The following MLLT10 variants were observed in gnomAD, a reference collection of about 807,000 sequenced individuals.
MLLT10 encodes MLLT10 histone lysine methyltransferase DOT1L cofactor, also known as protein AF-10.
MLLT10 carries 30 observed loss-of-function variants against 129.1 expected under a neutral mutation model. That is an observed-to-expected ratio of 0.23 (90% CI 0.17 to 0.32). The LOEUF is 0.32. Among genes scored for constraint, MLLT10 ranks in the 10% least tolerant of loss-of-function variants. The probability of loss-of-function intolerance (pLI) is 1.00; values close to 1 mark genes in which losing one functional copy is unlikely to be tolerated. For missense variants in MLLT10, 1,119 were observed against 1,268.3 expected (o/e 0.88, Z 1.79); for synonymous variants, 490 against 446.4 (o/e 1.10, Z -1.23).
intron 3 of MLLT10, among the ~76,000 whole-genome samples, chr10:21,550,453 T>TA (rs917803791): frequency 5.9e-5 from 9 of 152,220 alleles, no homozygotes; most frequent in African/African-American, 1.7e-4. Context: ...GTTGCTGTCA[T>TA]AGTCAGTCCT....
chr10:21,641,090 A>T (rs1178799982), intron 8 of MLLT10, among the ~76,000 whole-genome samples: 1 of 152,198 alleles, frequency 6.6e-6, no homozygotes. Flanking sequence ...ATTGGAACCC[A>T]GTGCACTGGC....
chr10:21,536,821 G>T (rs1239985117), intron 2 of MLLT10, among the ~76,000 whole-genome samples: 1 of 151,678 alleles, frequency 6.6e-6, no homozygotes, highest in African/African-American at 2.4e-5. Context: ...TTTTGCTCTT[G>T]TTGCTCAGGC....
rs140739039 is a variant in MLLT10, at chr10:21,556,944, G to T, written c.240+18032G>T. On this transcript the variant is annotated intron_variant, in intron 3 of 22. Transcript: ENST00000307729. ...CGTTTCAAGAAGGAGAGGTGGTAGTGTTTAAGTGGAATTAACTACTTGTGT... is the reference window on the plus strand; with the variant it reads ...CGTTTCAAGAAGGAGAGGTGGTAGTTTTTAAGTGGAATTAACTACTTGTGT... 2.8e-5 allele frequency: 44 copies of T among 1,544,248 alleles called. No individual in the cohort carries two copies. The African/African-American group carries it at 5.7e-4, about 20-fold the overall frequency.
At chr10:21,619,115 C>T (rs1404827942) in intron 8 of MLLT10, among the ~76,000 whole-genome samples, 1 of 151,500 alleles carries the variant, frequency 6.6e-6, no homozygotes, top group African/African-American at 2.4e-5. Flanking sequence ...ATCTTGATTT[C>T]TTTTTGAGGT....
chr10:21,605,352 GA>G (rs966146652), intron 5 of MLLT10, among the ~76,000 whole-genome samples: 2 of 152,162 alleles, frequency 1.3e-5, no homozygotes, highest in African/African-American at 4.8e-5. Flanking sequence ...TGGTAAAGTT[GA>G]AAAACTGTAA....
chr10:21,625,239 T>G (rs1037520344), intron 8 of MLLT10: 11 of 1,378,230 alleles, frequency 8.0e-6, no homozygotes, highest in Admixed American at 5.1e-5. Flanking sequence ...TCTGGTGCCT[T>G]GGCTAAGACT....
chr10:21,697,125 G>A (rs959744309), intron 13 of MLLT10, among the ~76,000 whole-genome samples: 8 of 133,964 alleles, frequency 6.0e-5, no homozygotes, highest in African/African-American at 1.5e-4. Context: ...AAAAAAAAGA[G>A]GGAGAATTTA....
intron 3 of MLLT10, among the ~76,000 whole-genome samples, chr10:21,576,288 G>A (rs1218093398): frequency 1.3e-5 from 2 of 150,056 alleles, no homozygotes; most frequent in Non-Finnish European, 3.0e-5. Context: ...TGTCGCCCAG[G>A]CTGGAGTGCA....
chr10:21,684,150 G>A (rs1222266479), intron 13 of MLLT10, among the ~76,000 whole-genome samples: 2 of 152,006 alleles, frequency 1.3e-5, no homozygotes, highest in African/African-American at 4.8e-5. Flanking sequence ...AGATAGGACT[G>A]CAGGCGTGCG....
At chr10:21,675,585 C>A (rs1270407318) in intron 11 of MLLT10, among the ~76,000 whole-genome samples, 1 of 152,150 alleles carries the variant, frequency 6.6e-6, no homozygotes, top group Non-Finnish European at 1.5e-5. Flanking sequence ...TATATGTTTC[C>A]TTTGAAACTA....
chr10:21,717,809 T>C (rs1247143284), intron 14 of MLLT10, among the ~76,000 whole-genome samples: 1 of 143,338 alleles, frequency 7.0e-6, no homozygotes, highest in Admixed American at 6.9e-5. Flanking sequence ...CTCCTTCTTC[T>C]TCTCCTTCTT....
chr10:21,662,890 T>G (rs1204549792), intron 9 of MLLT10, among the ~76,000 whole-genome samples: 1 of 152,182 alleles, frequency 6.6e-6, no homozygotes, highest in Non-Finnish European at 1.5e-5. Flanking sequence ...ACCCCTGGAA[T>G]GTGAACTGCA....
chr10:21,659,408 CA>C lies in MLLT10; in HGVS notation c.795+7644del, dbSNP rs559994797. On this transcript the variant is annotated intron_variant, in intron 9 of 22. Coordinates refer to ENST00000307729, the MANE Select transcript of MLLT10 (RefSeq NM_001195626.3). ...GAGAAACAGAAACCTAGGTTTGAGG[CA>C]AAACGTAAAAACCAAAGGAAAAATA... 2.0e-3 allele frequency among the ~76,000 whole-genome samples: 296 copies of C among 151,642 alleles called. 3 individuals are homozygous for C. Among genetic ancestry groups the C allele is most frequent in the African/African-American group, 6.9e-3 (284 of 41,344 alleles).
chr10:21,664,968 T>TATCTG, intron 9 of MLLT10, among the ~76,000 whole-genome samples: 1 of 141,362 alleles, frequency 7.1e-6, no homozygotes, highest in East Asian at 2.1e-4. Context: ...TTTTTTGAGA[T>TATCTG]AGAGTCTCGC....
chr10:21,720,236 C>G (rs1037048797), intron 14 of MLLT10, among the ~76,000 whole-genome samples: 1 of 152,174 alleles, frequency 6.6e-6, no homozygotes. Context: ...CGTTAAGCTC[C>G]TAACAATTAG....
intron 2 of MLLT10, among the ~76,000 whole-genome samples, chr10:21,536,257 G>A (rs1463850910): frequency 6.6e-6 from 1 of 152,150 alleles, no homozygotes; most frequent in African/African-American, 2.4e-5. Flanking sequence ...TTTTAAAGAA[G>A]AGCCAAGTTG....
At chr10:21,548,661 G>C (rs1421702005) in intron 3 of MLLT10, among the ~76,000 whole-genome samples, 2 of 151,994 alleles carry the variant, frequency 1.3e-5, no homozygotes, top group Non-Finnish European at 2.9e-5. Context: ...GAGCCACTGT[G>C]CCCGGCCTTT....
intron 8 of MLLT10, among the ~76,000 whole-genome samples, chr10:21,621,486 C>G (rs928959229): frequency 6.6e-6 from 1 of 152,078 alleles, no homozygotes; most frequent in African/African-American, 2.4e-5. Context: ...ACCTCATGAT[C>G]CGCCCCTCTC....
At chr10:21,552,612 G>A (rs143099049) in intron 3 of MLLT10, among the ~76,000 whole-genome samples, 1 of 151,522 alleles carries the variant, frequency 6.6e-6, no homozygotes, top group Non-Finnish European at 1.5e-5. Context: ...GGCTGGTCTC[G>A]ATCTCCTGAC....
Sources: allele counts gnomAD v4.1 joint callset (sites outside exome capture counted in the v4.1 genomes callset), GRCh38; gene constraint gnomAD v4.1.1; transcripts MANE v1.5; gene names NCBI Gene and HGNC (gene_info 2026-07-23, HGNC 2026-07-21).